KLHL2: variants seen among roughly 807,000 people sequenced by gnomAD.
KLHL2 encodes kelch-like protein 2.
A neutral mutation model predicts 75.8 loss-of-function variants in KLHL2; 15 were observed. That is an observed-to-expected ratio of 0.20 (90% CI 0.13 to 0.30). The LOEUF is 0.30. Ranked by LOEUF, KLHL2 falls within the 10% of genes least tolerant of loss-of-function variation. The pLI, the probability that KLHL2 is intolerant of heterozygous loss-of-function variation, is 1.00. For synonymous variants in KLHL2, 214 were observed against 251.9 expected (o/e 0.85, Z 1.42); for missense variants, 381 against 741.0 (o/e 0.51, Z 5.64).
intron 5 of KLHL2, among the ~76,000 whole-genome samples, chr4:165,282,064 A>C (rs1404009389): frequency 1.3e-5 from 2 of 152,206 alleles, no homozygotes; most frequent in Non-Finnish European, 2.9e-5. Flanking sequence ...TTTGGAAGCA[A>C]TAATTGAGGT....
At chr4:165,277,701 G>C (rs1422456783) in intron 5 of KLHL2, 1 of 538,566 alleles carries the variant, frequency 1.9e-6, no homozygotes, top group Middle Eastern at 5.0e-4. Context: ...CAATGGAGGG[G>C]GTCAGCCCCA....
intron 3 of KLHL2, among the ~76,000 whole-genome samples, chr4:165,232,024 T>G (rs1240679386): frequency 6.6e-6 from 1 of 152,234 alleles, no homozygotes; most frequent in Non-Finnish European, 1.5e-5. Flanking sequence ...TCAAGCATCT[T>G]TCTATATGCT....
At chr4:165,249,996 C>T (rs1579040527) in intron 4 of KLHL2, among the ~76,000 whole-genome samples, 1 of 151,846 alleles carries the variant, frequency 6.6e-6, no homozygotes, top group African/African-American at 2.4e-5. Context: ...TGGTGGCGGG[C>T]GCCTGTGGTC....
chr4:165,278,939 G>A, intron 5 of KLHL2: 2 of 1,441,414 alleles, frequency 1.4e-6, no homozygotes, highest in Non-Finnish European at 2.0e-6. Flanking sequence ...GATCTCAGAA[G>A]AACTCCGAAC....
chr4:165,260,350 A>C (rs1482587440), intron 4 of KLHL2, among the ~76,000 whole-genome samples: 2 of 151,960 alleles, frequency 1.3e-5, no homozygotes, highest in Non-Finnish European at 2.9e-5. Context: ...CACTGTCATC[A>C]AAAAAAATTA....
chr4:165,224,390 G>A (rs1182470763), intron 2 of KLHL2, among the ~76,000 whole-genome samples: 1 of 152,142 alleles, frequency 6.6e-6, no homozygotes, highest in Non-Finnish European at 1.5e-5. Flanking sequence ...GTTCAGTAAG[G>A]ATGAATCATA....
Position 165,240,369 on chromosome 4 carries a change from C to T in KLHL2, c.381+1470C>T, listed in dbSNP as rs949533984. 4.6e-5 allele frequency: 7 copies of T among 152,132 alleles called. No individual in the cohort carries two copies. In the South Asian group the frequency reaches 8.3e-4, roughly 18 times the overall value. 9.4% of individuals were successfully genotyped at this position (152,132 alleles called of 1,614,324 possible). A position where few individuals can be genotyped will look rare whatever the true frequency, so the allele number is the denominator to read the frequency against. On this transcript the variant is annotated intron_variant, in intron 4 of 14. Transcript: ENST00000226725. ...CTTTGCACTTGTTAAGACATGCTAT[C>T]GATTGTTCCATGTGAAATACTGGCA... is the stretch of plus-strand genomic sequence containing the variant.
At chr4:165,225,071 G>A (rs1738327165) in intron 2 of KLHL2, among the ~76,000 whole-genome samples, 1 of 152,156 alleles carries the variant, frequency 6.6e-6, no homozygotes, top group Non-Finnish European at 1.5e-5. Flanking sequence ...TTTCAAAGCA[G>A]TTTCTTTTTT....
chr4:165,210,270 CTCTTT>C (rs1737117555), intron 1 of KLHL2: 1 of 1,233,494 alleles, frequency 8.1e-7, no homozygotes. Flanking sequence ...TGCTTGTGTT[CTCTTT>C]TAACATCCAA....
chr4:165,241,772 C>T, intron 4 of KLHL2, among the ~76,000 whole-genome samples: 2 of 152,124 alleles, frequency 1.3e-5, no homozygotes, highest in East Asian at 1.9e-4. Flanking sequence ...TGTAGGGTCT[C>T]TTCCATGATA....
At chr4:165,288,964 A>G (rs1051307818) in intron 5 of KLHL2, among the ~76,000 whole-genome samples, 1 of 152,116 alleles carries the variant, frequency 6.6e-6, no homozygotes, top group East Asian at 1.9e-4. Flanking sequence ...TAAGCACCAG[A>G]CAGACTAATA....
chr4:165,313,366 G>A lies in KLHL2; in HGVS notation c.1468G>A (p.Gly490Ser). Reference sequence around the variant, plus strand: ...AATGAGCACCAGGCGGAGTGGAGCAGGTACATGTGAACCTGTTTTAGCAAC... The same window carrying A: ...AATGAGCACCAGGCGGAGTGGAGCAAGTACATGTGAACCTGTTTTAGCAAC... The part of the protein sequence containing the change: ...AEMSTRRSGA[G>S]VGVLNNLLYA... Residue 490 changes from glycine to serine, a missense_variant and splice_region_variant, in exon 12 of 15, where the codon GGT becomes AGT. By Grantham distance (56) the Gly-to-Ser change is moderately conservative. Around this residue, in one of 5 missense-constraint regions of KLHL2, gnomAD observed 168 missense variants for 370.4 expected, o/e 0.45. Transcript: ENST00000226725. The A allele has an allele frequency of 6.7e-7, 1 of 1,493,212 alleles. No homozygotes were observed. The highest frequency in any genetic ancestry group is 1.5e-5 in the African/African-American group (1 of 68,758). The allele number at this position is 1,493,212 out of a possible 1,614,324, so 92.5% of individuals were successfully genotyped here. A position where few individuals can be genotyped will look rare whatever the true frequency, so the allele number is the denominator to read the frequency against.
In KLHL2 at chr4:165,297,620, A is replaced by G; in HGVS notation, c.666A>G (p.Ala222=). 6.2e-7 allele frequency: 1 copy of G among 1,605,758 alleles called. No individual in the cohort carries two copies. The highest frequency in any genetic ancestry group is 1.3e-5 in the African/African-American group (1 of 74,884). Residue 222 remains alanine, a synonymous_variant, in exon 7 of 15, where the codon GCA becomes GCG. Coordinates refer to ENST00000226725, the MANE Select transcript of KLHL2 (RefSeq NM_007246.4). ...ATATTTTCTGCAAGGTATTTGAAGC[A>G]GTAATAGCATGGGTGAACCATGACA... is the stretch of plus-strand genomic sequence containing the variant. ...TISSEEKVFE[A]VIAWVNHDKD...
chr4:165,258,994 C>T (rs1366074025), intron 4 of KLHL2, among the ~76,000 whole-genome samples: 1 of 152,038 alleles, frequency 6.6e-6, no homozygotes, highest in Non-Finnish European at 1.5e-5. Context: ...TACAGTGAGT[C>T]AATTTTTGCT....
intron 4 of KLHL2, among the ~76,000 whole-genome samples, chr4:165,244,712 G>C (rs374090253): frequency 2.6e-5 from 4 of 152,268 alleles, no homozygotes; most frequent in Admixed American, 6.5e-5. Context: ...ACTGGGTTTG[G>C]ATCTTGGCTT....
intron 5 of KLHL2, among the ~76,000 whole-genome samples, chr4:165,269,179 T>C (rs1325147399): frequency 6.6e-6 from 1 of 152,162 alleles, no homozygotes; most frequent in Non-Finnish European, 1.5e-5. Context: ...TCTTCCTCCA[T>C]CCCTTTATTT....
intron 5 of KLHL2, among the ~76,000 whole-genome samples, chr4:165,267,674 G>A (rs1579079732): frequency 6.6e-6 from 1 of 152,044 alleles, no homozygotes; most frequent in African/African-American, 2.4e-5. Context: ...ACTTGATCAT[G>A]GTGGATAAGC....
At chr4:165,321,632 G>A (rs559668398) in intron 14 of KLHL2, among the ~76,000 whole-genome samples, 1 of 152,168 alleles carries the variant, frequency 6.6e-6, no homozygotes, top group Admixed American at 6.5e-5. Flanking sequence ...CCCCCATGTC[G>A]GTTCAAGGGT....
At chr4:165,232,833 G>A (rs1029111283) in intron 3 of KLHL2, among the ~76,000 whole-genome samples, 4 of 146,514 alleles carry the variant, frequency 2.7e-5, no homozygotes, top group Non-Finnish European at 4.5e-5. Context: ...GCCAGAGTAT[G>A]AGTACTTTGT....
Sources: allele counts gnomAD v4.1 joint callset (sites outside exome capture counted in the v4.1 genomes callset), GRCh38; gene constraint gnomAD v4.1.1; regional missense constraint gnomAD v4.1.1; transcripts MANE v1.5; gene names NCBI Gene and HGNC (gene_info 2026-07-23, HGNC 2026-07-21).